Variants in DLG2 observed in about 807,000 individuals in gnomAD.
DLG2 encodes disks large homolog 2.
A neutral mutation model predicts 132.5 loss-of-function variants in DLG2; 45 were observed. That is an observed-to-expected ratio of 0.34 (90% CI 0.27 to 0.44). DLG2 has a LOEUF of 0.44. Among genes scored for constraint, DLG2 ranks in the 20% least tolerant of loss-of-function variants. The pLI is 1.00. For missense variants in DLG2, 1,045 were observed against 1,196.9 expected (o/e 0.87, Z 1.87); for synonymous variants, 424 against 419.6 (o/e 1.01, Z -0.13).
intron 9 of DLG2, among the ~76,000 whole-genome samples, chr11:84,131,884 T>C (rs2094436839): frequency 6.6e-6 from 1 of 151,990 alleles, no homozygotes; most frequent in South Asian, 2.1e-4. Flanking sequence ...GGATGCATTA[T>C]CATGTATGAC....
chr11:84,973,913 A>G (rs1306894937), intron 6 of DLG2, among the ~76,000 whole-genome samples: 2 of 152,188 alleles, frequency 1.3e-5, no homozygotes, highest in Non-Finnish European at 2.9e-5. Context: ...TTTCCCAACC[A>G]TTTAAACCAT....
intron 3 of DLG2, among the ~76,000 whole-genome samples, chr11:85,354,090 G>A (rs572458027): frequency 2.0e-5 from 3 of 150,878 alleles, no homozygotes; most frequent in Admixed American, 6.6e-5. Context: ...AGGTCCTCTC[G>A]CACTATTCAT....
intron 14 of DLG2, among the ~76,000 whole-genome samples, chr11:83,953,080 C>T (rs1041717889): frequency 6.6e-6 from 1 of 151,986 alleles, no homozygotes; most frequent in Non-Finnish European, 1.5e-5. Flanking sequence ...ATACAATTAC[C>T]TAGAAGTAAA....
chr11:83,884,627 C>T (rs971290807), intron 15 of DLG2, among the ~76,000 whole-genome samples: 10 of 152,314 alleles, frequency 6.6e-5, no homozygotes, highest in South Asian at 6.2e-4. Flanking sequence ...GATCTGAGGA[C>T]GGGCAGACTG....
intron 7 of DLG2, among the ~76,000 whole-genome samples, chr11:84,271,230 T>C (rs532922094): frequency 1.6e-4 from 25 of 152,320 alleles, no homozygotes; most frequent in South Asian, 4.1e-4. Flanking sequence ...TTGAGATATA[T>C]TGGCAAATTC....
intron 6 of DLG2, among the ~76,000 whole-genome samples, chr11:84,659,862 T>C (rs191271722): frequency 7.2e-5 from 11 of 152,160 alleles, no homozygotes; most frequent in Admixed American, 6.5e-4. Flanking sequence ...CTACAGTTTA[T>C]TAAAGGAAAA....
chr11:84,425,186 T>TCAACAGCA (rs1203243071), intron 7 of DLG2, among the ~76,000 whole-genome samples: 2 of 152,100 alleles, frequency 1.3e-5, no homozygotes, highest in African/African-American at 4.8e-5. Context: ...AATTGTTAAT[T>TCAACAGCA]GACTTCAAAG....
intron 6 of DLG2, among the ~76,000 whole-genome samples, chr11:84,771,001 C>T (rs572202065): frequency 3.3e-5 from 5 of 152,138 alleles, no homozygotes; most frequent in Admixed American, 2.6e-4. Flanking sequence ...TATACGTACG[C>T]CATTTTCTTT....
intron 3 of DLG2, among the ~76,000 whole-genome samples, chr11:85,478,623 T>C (rs1283923564): frequency 6.6e-6 from 1 of 152,170 alleles, no homozygotes; most frequent in African/African-American, 2.4e-5. Flanking sequence ...TGAGGCTGAG[T>C]TTGCTTATTT....
At chr11:85,222,385 C>G (rs917813849) in intron 4 of DLG2, among the ~76,000 whole-genome samples, 7 of 152,160 alleles carry the variant, frequency 4.6e-5, no homozygotes, top group African/African-American at 1.7e-4. Flanking sequence ...ACCTACTCCA[C>G]TAAGCAATGA....
intron 3 of DLG2, among the ~76,000 whole-genome samples, chr11:85,300,118 C>T (rs75851529): frequency 0.035 from 5,306 of 152,142 alleles, 142 homozygotes; most frequent in Admixed American, 0.049. Context: ...ACAGATTAGC[C>T]TCTGCTATGA....
chr11:83,755,859 C>T (rs573313646), intron 18 of DLG2, among the ~76,000 whole-genome samples: 1 of 151,454 alleles, frequency 6.6e-6, no homozygotes, highest in Admixed American at 6.6e-5. Context: ...TTGGCAGACT[C>T]TCTTACTAGT....
chr11:85,093,543 T>C (rs748112519), intron 6 of DLG2, among the ~76,000 whole-genome samples: 1 of 152,172 alleles, frequency 6.6e-6, no homozygotes, highest in Non-Finnish European at 1.5e-5. Context: ...AGAAGTTTAA[T>C]GTACTCATAG....
At chr11:84,216,811 T>C (rs995056067) in intron 8 of DLG2, among the ~76,000 whole-genome samples, 2 of 152,142 alleles carry the variant, frequency 1.3e-5, no homozygotes, top group Non-Finnish European at 2.9e-5. Flanking sequence ...GAAGCTTAAA[T>C]ATGGTAGGAA....
At chr11:84,276,762 C>G (rs1204393613) in intron 7 of DLG2, among the ~76,000 whole-genome samples, 1 of 152,164 alleles carries the variant, frequency 6.6e-6, no homozygotes, top group Non-Finnish European at 1.5e-5. Context: ...TATGGTGGGA[C>G]TACCATACGT....
intron 6 of DLG2, among the ~76,000 whole-genome samples, chr11:84,691,084 G>A (rs1181277266): frequency 6.6e-6 from 1 of 151,730 alleles, no homozygotes; most frequent in Non-Finnish European, 1.5e-5. Context: ...TTTTTCAAGT[G>A]TATAAATTTT....
At chr11:84,519,620 T>A (rs1208216688) in intron 7 of DLG2, among the ~76,000 whole-genome samples, 5 of 152,296 alleles carry the variant, frequency 3.3e-5, no homozygotes, top group South Asian at 4.1e-4. Flanking sequence ...TGATCTTTCC[T>A]GCTGAGGGCT....
At chr11:84,171,069 T>A (rs1292219262) in intron 8 of DLG2, among the ~76,000 whole-genome samples, 1 of 152,140 alleles carries the variant, frequency 6.6e-6, no homozygotes, top group Admixed American at 6.6e-5. Context: ...GACATTACCA[T>A]AAGCATTTTT....
At chr11:85,109,218 G>T (rs1274088078) in intron 6 of DLG2, among the ~76,000 whole-genome samples, 3 of 152,034 alleles carry the variant, frequency 2.0e-5, no homozygotes, top group Non-Finnish European at 4.4e-5. Flanking sequence ...GGTATCTGCT[G>T]CACAACTCCT....
Sources: allele counts gnomAD v4.1 joint callset (sites outside exome capture counted in the v4.1 genomes callset), GRCh38; gene constraint gnomAD v4.1.1; transcripts MANE v1.5; gene names NCBI Gene and HGNC (gene_info 2026-07-23, HGNC 2026-07-21).